The following PLEC variants were observed in gnomAD, a reference collection of about 807,000 sequenced individuals.
The protein encoded by PLEC is hemidesmosomal protein 1.
Under a neutral mutation model 392.8 loss-of-function variants are expected in PLEC, and 216 were observed. The ratio of observed to expected loss-of-function variants is 0.55; its 90% confidence interval spans 0.49 to 0.62. The LOEUF (loss-of-function observed/expected upper bound fraction) is 0.62, where lower values mean the gene tolerates loss of function less well. Ranked by LOEUF, PLEC falls within the 20% of genes least tolerant of loss-of-function variation. The pLI, the probability that PLEC is intolerant of heterozygous loss-of-function variation, is 0.00. For missense variants in PLEC, 6,863 were observed against 6,563.4 expected (o/e 1.05, Z -1.58); for synonymous variants, 3,621 against 2,980.6 (o/e 1.21, Z -7.00).
chr8:143,944,543 G>T, upstream of PLEC: 1 of 612,628 alleles, frequency 1.6e-6, no homozygotes, highest in Non-Finnish European at 2.6e-6. Flanking sequence ...TGTGTGCAGG[G>T]CGAGGGACAG....
Position 143,939,367 on chromosome 8 carries a change from G to A in PLEC, c.95C>T (p.Ala32Val), listed in dbSNP as rs369197607. Residue 32 changes from alanine (A) to valine (V), a missense_variant, in exon 1 of 32, where the codon GCC becomes GTC. Coordinates refer to ENST00000345136, the MANE Select transcript of PLEC (RefSeq NM_201384.3). Reference sequence around the variant, plus strand: ...CCTGCTACCTTTCTTGCCCTCAGAGGCCCTGAGCACAGCCAGGTACAGGTT... The same window carrying A: ...CCTGCTACCTTTCTTGCCCTCAGAGACCCTGAGCACAGCCAGGTACAGGTT... ...EDNLYLAVLR[A>V]SEGKKDERDR... 1.1e-5 allele frequency: 17 copies of A among 1,612,348 alleles called. No homozygotes were observed. Among genetic ancestry groups the A allele is most frequent in the Non-Finnish European group, 1.4e-5 (16 of 1,179,716 alleles).
upstream of PLEC, chr8:143,951,008 G>C (rs928830711): frequency 1.9e-6 from 1 of 515,988 alleles, no homozygotes; most frequent in East Asian, 3.7e-5. Flanking sequence ...ACCCACAGCC[G>C]ACGGGGCCCT....
chr8:143,929,826 G>A lies in PLEC; in HGVS notation c.2743C>T (p.Arg915Cys), dbSNP rs376236283. ...LIRSWSLATFRTLKPEEQRQA... is the reference protein window; with the variant it reads ...LIRSWSLATFCTLKPEEQRQA... ...CGCTGCTCCTCTGGCTTCAGGGTGC[G>A]GAACTGGGGGAAGCACGTGGGGCTG... The change falls in exon 23 of 32, where the codon CGC becomes TGC. Residue 915 changes from arginine (R) to cysteine (C), a missense_variant. Arg to Cys is a radical substitution (Grantham distance 180, BLOSUM62 -3). Transcript: ENST00000345136. 47 of 1,599,050 alleles carry A rather than the reference G, an allele frequency of 2.9e-5. No individual in the cohort carries two copies. The highest frequency in any genetic ancestry group is 9.4e-5 in the African/African-American group (7 of 74,832).
At chr8:143,932,260 G>A (rs781857376) in intron 16 of PLEC, 26 bp from the exon 17 acceptor site, 1 of 1,610,756 alleles carries the variant, frequency 6.2e-7, no homozygotes, top group South Asian at 1.1e-5. Flanking sequence ...AGGGTCTCAG[G>A]GACGGCCGGC....
At chr8:143,965,367 T>C (rs1457260716) in intron 1 of PLEC, among the ~76,000 whole-genome samples, 1 of 151,496 alleles carries the variant, frequency 6.6e-6, no homozygotes, top group Non-Finnish European at 1.5e-5. Flanking sequence ...TCCTACAGGA[T>C]CCTGTCTTCC....
rs1554696349 is a variant in PLEC, at chr8:143,924,241, G to A, written c.5688C>T (p.Ala1896=). The change falls in exon 31 of 32, where the codon GCC becomes GCT. Residue 1896 remains alanine (A), a synonymous_variant. Coordinates refer to ENST00000345136, the MANE Select transcript of PLEC (RefSeq NM_201384.3). The part of the protein sequence containing the change: ...QHKADIEERL[A]QLRKASDSEL... ...CGCTGTCCGATGCCTTGCGCAGCTG[G>A]GCCAGGCGCTCCTCGATGTCAGCCT... The A allele has an allele frequency of 1.9e-6, 3 of 1,598,098 alleles. No homozygotes were observed. The highest frequency in any genetic ancestry group is 1.7e-5 in the Admixed American group (1 of 59,918).
intron 12 of PLEC, 86 bp downstream of exon 12, chr8:143,933,911 AC>A (rs1339777859): frequency 8.6e-7 from 1 of 1,156,350 alleles, no homozygotes; most frequent in African/African-American, 1.5e-5. Flanking sequence ...GCCCAGGGGG[AC>A]AGCCCCCTCC....
intron 1 of PLEC, among the ~76,000 whole-genome samples, chr8:143,968,554 A>G (rs1833243647): frequency 6.8e-6 from 1 of 146,450 alleles, no homozygotes. Context: ...AAAAGACACC[A>G]GCAAGCAAAT....
In PLEC at chr8:143,933,115, G is replaced by A; in HGVS notation, c.1419-4C>T. On this transcript the variant is annotated splice_region_variant and splice_polypyrimidine_tract_variant and intron_variant, in intron 13 of 31. Transcript: ENST00000345136. ...GCGCTCGTGCAGACGGTACACCCTG[G>A]GGCAGCAGAGGACTCAGGTAGGTGT... is the stretch of plus-strand genomic sequence containing the variant. 2 of 1,598,036 alleles carry A rather than the reference G, an allele frequency of 1.3e-6. No homozygotes were observed. The highest frequency in any genetic ancestry group is 1.7e-6 in the Non-Finnish European group (2 of 1,175,218).
rs1170486155 is a variant in PLEC, at chr8:143,930,570, A to G, written c.2305-34T>C. On this transcript the variant is annotated intron_variant, in intron 19 of 31. Coordinates refer to ENST00000345136, the MANE Select transcript of PLEC (RefSeq NM_201384.3). ...GAGGGGCAGCATCCAGACGAGGGCC[A>G]TGGAGACCCACAGGCCTGCCCCAGG... is the stretch of plus-strand genomic sequence containing the variant. 5 of 1,561,696 alleles carry G rather than the reference A, an allele frequency of 3.2e-6. No individual in the cohort carries two copies. The African/African-American group carries it at 4.1e-5, about 13-fold the overall frequency.
chr8:143,931,486 CTCCAG>C (rs1187412168), intron 19 of PLEC, 43 bp downstream of exon 19: 1 of 1,555,054 alleles, frequency 6.4e-7, no homozygotes, highest in Non-Finnish European at 8.7e-7. Flanking sequence ...GCAGCCCAGA[CTCCAG>C]GCCAGCCCCT....
Position 143,973,264 on chromosome 8 carries a change from TG to T in PLEC, c.70+138del. 5.9e-6 allele frequency: 6 copies of T among 1,019,332 alleles called. No homozygotes were observed. Among genetic ancestry groups the T allele is most frequent in the Non-Finnish European group, 5.5e-6 (4 of 723,206 alleles). 63.1% of individuals were successfully genotyped at this position (1,019,332 alleles called of 1,614,324 possible). On this transcript the variant is annotated intron_variant, in intron 1 of 31. Coordinates refer to the PLEC transcript ENST00000356346. The surrounding 1 kb of genome is among the most constrained non-coding windows in gnomAD (Gnocchi z 5.6). Reference sequence around the variant, plus strand: ...CCCTTCCCTAGGCACTGGCAGCCGTTGGGGGCGATCCAGGCGGACGAGGCCG... The same window carrying T: ...CCCTTCCCTAGGCACTGGCAGCCGTTGGGGCGATCCAGGCGGACGAGGCCG...
Position 143,916,248 on chromosome 8 carries a change from A to C in PLEC, c.13573T>G (p.Ser4525Ala). The change falls in exon 32 of 32, where the codon TCG (serine) becomes GCG (alanine). Residue 4525 changes from serine to alanine, a missense_variant. By Grantham distance (99) the Ser-to-Ala change is moderately conservative. Transcript: ENST00000345136. ...MTFSSSSYSS[S>A]GYGRRYASGS... is the part of the protein sequence containing the mutation. ...GAGGCGTAGCGGCGGCCGTAGCCCG[A>C]GGAGGAGTAGGAGGATGAAGAGAAG... 2 of 1,546,586 alleles carry C rather than the reference A, an allele frequency of 1.3e-6. No homozygotes were observed. Among genetic ancestry groups the C allele is most frequent in the Non-Finnish European group, 1.7e-6 (2 of 1,146,022 alleles).
Position 143,924,316 on chromosome 8 carries a change from C to A in PLEC, c.5613G>T (p.Glu1871Asp). The change falls in exon 31 of 32, where the codon GAG (glutamate) becomes GAT (aspartate). Residue 1871 changes from glutamate to aspartate, a missense_variant. Coordinates refer to ENST00000345136, the MANE Select transcript of PLEC (RefSeq NM_201384.3). The stretch of plus-strand genomic sequence containing the variant: ...GCCGCCGCCGCTGGAAGGCCTCGTC[C>A]TCCGCCAGCCGCCGCAGGCGCTCGT... ...AENERLRRLA[E>D]DEAFQRRRLE... 1 of 1,594,818 alleles carries A rather than the reference C, an allele frequency of 6.3e-7. No homozygotes were observed. Among genetic ancestry groups the A allele is most frequent in the Non-Finnish European group, 8.5e-7 (1 of 1,177,874 alleles).
At position 143,918,523 on chromosome 8, in the gene PLEC, C is replaced by T; in HGVS notation, c.11298G>A (p.Arg3766=). 2 of 1,608,236 alleles carry T rather than the reference C, an allele frequency of 1.2e-6. No individual in the cohort carries two copies. The highest frequency in any genetic ancestry group is 1.7e-6 in the Non-Finnish European group (2 of 1,178,478). The part of the protein sequence containing the change: ...ELHDRLLSAE[R]AVTGYRDPYT... Reference sequence around the variant, plus strand: ...AGGGGTCACGGTAGCCGGTGACCGCCCGCTCAGCCGAGAGCAGGCGGTCGT... The same window carrying T: ...AGGGGTCACGGTAGCCGGTGACCGCTCGCTCAGCCGAGAGCAGGCGGTCGT... Residue 3766 remains arginine, a synonymous_variant, in exon 32 of 32, where the codon CGG becomes CGA. Transcript: ENST00000345136.
chr8:143,953,937 C>A (rs1181519862), upstream of PLEC: 16 of 1,400,292 alleles, frequency 1.1e-5, no homozygotes, highest in Non-Finnish European at 1.5e-5. Context: ...GACAGGGCCG[C>A]CCCGGGCGCA....
rs1339988613 is a variant in PLEC, at chr8:143,920,677, C to T, written c.9144G>A (p.Leu3048=). Residue 3048 remains leucine (L), a synonymous_variant, in exon 32 of 32, where the codon CTG becomes CTA. Transcript: ENST00000345136. Reference sequence around the variant, plus strand: ...GGGCCACGGCCATGTCGGATGGCAGCAGGTCTTTCTTCAGGGCATTGTAGA... The same window carrying T: ...GGGCCACGGCCATGTCGGATGGCAGTAGGTCTTTCTTCAGGGCATTGTAGA... ...LSIYNALKKD[L]LPSDMAVALL... 1 of 1,603,170 alleles carries T rather than the reference C, an allele frequency of 6.2e-7. No individual in the cohort carries two copies. The highest frequency in any genetic ancestry group is 1.7e-5 in the Admixed American group (1 of 59,998).
At position 143,918,086 on chromosome 8, in the gene PLEC, C is replaced by T. The variant is rs781960031; in HGVS notation, c.11735G>A (p.Arg3912Gln). ...CTCCTCGATGGAGGTCAGGCCCTCC[C>T]GCAGCTGCAGCGCCGTGGCCTCGTC... Reference protein sequence around the residue: ...VMDEATALQLREGLTSIEEVT... With the variant: ...VMDEATALQLQEGLTSIEEVT... Residue 3912 changes from arginine to glutamine, a missense_variant, in exon 32 of 32, where the codon CGG (arginine) becomes CAG (glutamine). Transcript: ENST00000345136. 193 of 1,596,468 alleles carry T rather than the reference C, an allele frequency of 1.2e-4. No individual in the cohort carries two copies. The Middle Eastern group carries it at 2.5e-3, about 20-fold the overall frequency.
At chr8:143,944,896 T>C (rs1831212273) in intron 1 of PLEC, 1 of 167,230 alleles carries the variant, frequency 6.0e-6, no homozygotes, top group South Asian at 2.0e-4. Flanking sequence ...ACTTGGAACA[T>C]GACGCACGGC....
Sources: gnomAD v4.1 joint callset for allele counts (sites outside exome capture counted in the v4.1 genomes callset) on GRCh38, gnomAD v4.1.1 for gene constraint, Gnocchi (gnomAD v3.1) non-coding constraint, MANE v1.5 for transcripts, NCBI Gene and HGNC (gene_info 2026-07-23, HGNC 2026-07-21) for gene names.